Variants in IL1R1 observed in about 807,000 individuals in gnomAD.
IL1R1 encodes the protein interleukin 1 receptor type 1.
A neutral mutation model predicts 50.2 loss-of-function variants in IL1R1; 22 were observed. That is an observed-to-expected ratio of 0.44 (90% confidence interval 0.31 to 0.63). The LOEUF is 0.63. Among genes scored for constraint, IL1R1 ranks in the 20% least tolerant of loss-of-function variants. The probability of loss-of-function intolerance (pLI) is 0.07; values close to 1 mark genes in which losing one functional copy is unlikely to be tolerated. For missense variants in IL1R1, 509 were observed against 676.2 expected (o/e 0.75, Z 2.74); for synonymous variants, 251 against 236.7 (o/e 1.06, Z -0.55).
At position 102,171,798 on chromosome 2, in the gene IL1R1, C is replaced by A; in HGVS notation, c.722-3C>A. On this transcript the variant is annotated splice_region_variant and splice_polypyrimidine_tract_variant and intron_variant, in intron 7 of 11. Transcript: ENST00000410023. ...GTTAAGATTAAAAATACATTCTTTG[C>A]AGGATCCCAGATACAATTGATCTGT... 6.5e-7 allele frequency: 1 copy of A among 1,531,576 alleles called. No homozygotes were observed. Among genetic ancestry groups the A allele is most frequent in the Non-Finnish European group, 9.0e-7 (1 of 1,111,258 alleles). 94.9% of individuals were successfully genotyped at this position (1,531,576 alleles called of 1,614,324 possible).
chr2:102,157,844 A>G, intron 3 of IL1R1, 59 bp downstream of exon 3: 1 of 1,089,426 alleles, frequency 9.2e-7, no homozygotes, highest in Non-Finnish European at 1.4e-6. Flanking sequence ...TTTAGAATAC[A>G]TGAAGTACCT....
chr2:102,096,647 C>T (rs1374546820), intron 1 of IL1R1, among the ~76,000 whole-genome samples: 2 of 151,304 alleles, frequency 1.3e-5, no homozygotes, highest in Non-Finnish European at 2.9e-5. Flanking sequence ...AAATGTCTTC[C>T]TCTTCTGGCT....
intron 1 of IL1R1, among the ~76,000 whole-genome samples, chr2:102,099,423 C>T (rs1450568199): frequency 6.6e-6 from 1 of 152,134 alleles, no homozygotes; most frequent in African/African-American, 2.4e-5. Context: ...TTATGAAGAT[C>T]TTTTTCACAT....
At chr2:102,142,451 G>A (rs1682722995), upstream of IL1R1, 1 of 152,176 alleles carries the variant, frequency 6.6e-6, no homozygotes, top group African/African-American at 2.4e-5. Context: ...GGTCGTAGTG[G>A]CTAGGTGAGT....
intron 2 of IL1R1, among the ~76,000 whole-genome samples, chr2:102,155,096 T>C (rs1174884919): frequency 6.6e-6 from 1 of 152,244 alleles, no homozygotes; most frequent in East Asian, 1.9e-4. Flanking sequence ...ATATTTGATG[T>C]ATGATTGTTG....
intron 1 of IL1R1, among the ~76,000 whole-genome samples, chr2:102,077,326 C>T (rs778643893): frequency 7.9e-5 from 12 of 152,308 alleles, no homozygotes; most frequent in Middle Eastern, 3.4e-3. Flanking sequence ...CCACCTTGGC[C>T]TCCCAAAGTG....
At chr2:102,107,683 G>A (rs1016468987) in intron 1 of IL1R1, among the ~76,000 whole-genome samples, 4 of 152,142 alleles carry the variant, frequency 2.6e-5, no homozygotes, top group Admixed American at 1.3e-4. Context: ...AATAGGCAAA[G>A]GTATATTTTG....
chr2:102,128,417 A>AATACCCAAATATAATGAATG (rs1247964947), intron 1 of IL1R1, among the ~76,000 whole-genome samples: 2 of 152,226 alleles, frequency 1.3e-5, no homozygotes, highest in Non-Finnish European at 2.9e-5. Context: ...TGAGTATATA[A>AATACCCAAATATAATGAATG]ATACCCAAAT....
intron 1 of IL1R1, among the ~76,000 whole-genome samples, chr2:102,137,052 C>T (rs1326792480): frequency 6.6e-6 from 1 of 152,156 alleles, no homozygotes; most frequent in African/African-American, 2.4e-5. Flanking sequence ...ACCTATTTGA[C>T]CATCTCATAG....
chr2:102,078,070 C>T (rs1273395621), intron 1 of IL1R1, among the ~76,000 whole-genome samples: 1 of 151,784 alleles, frequency 6.6e-6, no homozygotes, highest in African/African-American at 2.4e-5. Context: ...GCAGCTAAAG[C>T]TATACATAGA....
chr2:102,134,769 CT>C (rs1682247286), intron 1 of IL1R1, among the ~76,000 whole-genome samples: 1 of 152,218 alleles, frequency 6.6e-6, no homozygotes, highest in Non-Finnish European at 1.5e-5. Context: ...GTCTCTCCTT[CT>C]CTTGAGACTG....
intron 1 of IL1R1, among the ~76,000 whole-genome samples, chr2:102,147,675 T>TG (rs33956358): frequency 0.19 from 28,384 of 151,978 alleles, 3,456 homozygotes; most frequent in African/African-American, 0.34. Context: ...TCAAGAGGCT[T>TG]GGGGTAGGTC....
At chr2:102,173,142 C>A (rs566729040) in intron 9 of IL1R1, among the ~76,000 whole-genome samples, 71 of 152,256 alleles carry the variant, frequency 4.7e-4, no homozygotes, top group African/African-American at 1.6e-3. Flanking sequence ...ACTATAAATT[C>A]TGTGATGGTG....
intron 1 of IL1R1, among the ~76,000 whole-genome samples, chr2:102,118,180 G>A (rs1577886689): frequency 6.6e-6 from 1 of 152,174 alleles, no homozygotes; most frequent in Non-Finnish European, 1.5e-5. Context: ...GGGAAGACCT[G>A]GAGGCTGGAG....
At chr2:102,110,331 G>T (rs867415578) in intron 1 of IL1R1, among the ~76,000 whole-genome samples, 2 of 152,158 alleles carry the variant, frequency 1.3e-5, no homozygotes, top group African/African-American at 2.4e-5. Flanking sequence ...TAATTTTGCA[G>T]AAGTGTTTCC....
intron 1 of IL1R1, among the ~76,000 whole-genome samples, chr2:102,122,922 C>T (rs909954887): frequency 6.6e-5 from 10 of 152,198 alleles, no homozygotes; most frequent in African/African-American, 2.4e-4. Flanking sequence ...AATGCTGTAG[C>T]TTTGGGTCTA....
intron 1 of IL1R1, among the ~76,000 whole-genome samples, chr2:102,120,350 G>C (rs114136028): frequency 0.013 from 1,910 of 152,216 alleles, 53 homozygotes; most frequent in Non-Finnish European, 0.014. Flanking sequence ...TGTTTTGTGT[G>C]TGTTGCATGT....
intron 1 of IL1R1, among the ~76,000 whole-genome samples, chr2:102,073,437 C>T (rs1469804096): frequency 6.6e-6 from 1 of 152,150 alleles, no homozygotes; most frequent in Non-Finnish European, 1.5e-5. Context: ...GGAATAGGAA[C>T]AAAGATTTAA....
chr2:102,116,022 C>T (rs955988154), intron 1 of IL1R1, among the ~76,000 whole-genome samples: 4 of 152,062 alleles, frequency 2.6e-5, no homozygotes, highest in East Asian at 1.9e-4. Flanking sequence ...ATTTATATGG[C>T]GAATCTGGAT....
Sources: gnomAD v4.1 joint callset for allele counts (sites outside exome capture counted in the v4.1 genomes callset) on GRCh38, gnomAD v4.1.1 for gene constraint, MANE v1.5 for transcripts, NCBI Gene and HGNC (gene_info 2026-07-23, HGNC 2026-07-21) for gene names.